Variants in CFAP97D2 observed in about 807,000 individuals in gnomAD.
The protein encoded by CFAP97D2 is uncharacterized protein CFAP97D2.
rs146582281 is a variant in CFAP97D2, at chr13:114,209,400, A to G, written c.291-2512A>G. ...AGTGAACAGGTCTGCCTGGAATAAT[A>G]ACAAAGGTGTCAGTTAAAACGATGT... On this transcript the variant is annotated intron_variant, in intron 3 of 4. Transcript: ENST00000646158. Among the ~76,000 whole-genome samples the G allele has an allele frequency of 1.2e-3, 183 of 152,370 alleles. 2 individuals are homozygous for G. The highest frequency in any genetic ancestry group is 4.3e-3 in the African/African-American group (179 of 41,592).
downstream of CFAP97D2, chr13:114,222,770 G>A: frequency 2.6e-6 from 1 of 378,776 alleles, no homozygotes; most frequent in Non-Finnish European, 4.7e-6. The surrounding 1 kb of genome is among the most constrained non-coding windows in gnomAD (Gnocchi z 4.4). Context: ...GAGCAGCTGT[G>A]AAGTGCCCAG....
At position 114,184,959 on chromosome 13, in the gene CFAP97D2, T is replaced by G. The variant is rs116353287; in HGVS notation, c.90+5539T>G. 8.1e-3 allele frequency among the ~76,000 whole-genome samples: 1,237 copies of G among 152,334 alleles called. 16 individuals are homozygous for G. Among genetic ancestry groups the G allele is most frequent in the African/African-American group, 0.028 (1,165 of 41,572 alleles). On this transcript the variant is annotated intron_variant, in intron 1 of 4. Transcript: ENST00000646158. ...GATACACATACACCTGCTTTTATATTAATATAAGTGAAACGAATAAGCAGC... is the reference window on the plus strand; with the variant it reads ...GATACACATACACCTGCTTTTATATGAATATAAGTGAAACGAATAAGCAGC...
chr13:114,202,062 A>ATGGG (rs2080920103), intron 3 of CFAP97D2, among the ~76,000 whole-genome samples: 1 of 152,200 alleles, frequency 6.6e-6, no homozygotes. Context: ...AAGGTTCCCT[A>ATGGG]TGGGTGCCTT....
At chr13:114,196,243 G>A (rs1351786380) in intron 1 of CFAP97D2, among the ~76,000 whole-genome samples, 153 bp from the exon 2 acceptor site, 2 of 152,040 alleles carry the variant, frequency 1.3e-5, no homozygotes, top group Non-Finnish European at 2.9e-5. Flanking sequence ...GGGGATACTC[G>A]GATTCCAAAT....
Position 114,217,249 on chromosome 13 carries a change from A to T in CFAP97D2, c.480+5148A>T, listed in dbSNP as rs1003896076. On this transcript the variant is annotated intron_variant, in intron 4 of 4. Coordinates refer to ENST00000646158, the Ensembl canonical transcript of CFAP97D2. ...ACTACCATCAGAGAATACTATAAACACCTCTACGCAAATAAACTAGAAAAT... is the reference window on the plus strand; with the variant it reads ...ACTACCATCAGAGAATACTATAAACTCCTCTACGCAAATAAACTAGAAAAT... Among the ~76,000 whole-genome samples the T allele has an allele frequency of 1.3e-3, 200 of 152,332 alleles. 1 individual carries two copies. Among genetic ancestry groups the T allele is most frequent in the African/African-American group, 4.7e-3 (194 of 41,580 alleles).
At chr13:114,209,852 C>T (rs60405675) in intron 3 of CFAP97D2, among the ~76,000 whole-genome samples, 8 of 152,260 alleles carry the variant, frequency 5.3e-5, no homozygotes, top group African/African-American at 9.6e-5. Context: ...GGCCAATGCT[C>T]GGCACATAGT....
At chr13:114,182,006 A>G (rs1464970605) in intron 1 of CFAP97D2, among the ~76,000 whole-genome samples, 3 of 152,180 alleles carry the variant, frequency 2.0e-5, no homozygotes, top group Non-Finnish European at 4.4e-5. Context: ...CAAAGTATAG[A>G]GAAATAACAG....
chr13:114,183,995 T>G (rs963057615), intron 1 of CFAP97D2, among the ~76,000 whole-genome samples: 1 of 152,006 alleles, frequency 6.6e-6, no homozygotes, highest in African/African-American at 2.4e-5. Flanking sequence ...ACAGTAAAAT[T>G]TAAACGTTAG....
intron 3 of CFAP97D2, among the ~76,000 whole-genome samples, chr13:114,206,883 G>A (rs2080942735): frequency 6.6e-6 from 1 of 152,204 alleles, no homozygotes; most frequent in African/African-American, 2.4e-5. Context: ...AAATGGCAAG[G>A]GACCAGGGTC....
At chr13:114,213,704 A>G (rs1219535165) in intron 4 of CFAP97D2, among the ~76,000 whole-genome samples, 1 of 139,774 alleles carries the variant, frequency 7.2e-6, no homozygotes, top group East Asian at 2.2e-4. Flanking sequence ...CACAAGCTCC[A>G]GGACCATGAA....
chr13:114,211,904 T>C lies in CFAP97D2; in HGVS notation c.291-8T>C, dbSNP rs2080968008. ...CAAATTTCAAAATGTGTGTGCTCTT[T>C]CGTGGAGTCTGCACAGGGGGAAGAG... is the stretch of plus-strand genomic sequence containing the variant. On this transcript the variant is annotated splice_polypyrimidine_tract_variant and splice_region_variant and intron_variant, in intron 3 of 4. Transcript: ENST00000646158. The surrounding 1 kb of genome is among the most constrained non-coding windows in gnomAD (Gnocchi z 4.2). The C allele has an allele frequency of 2.5e-6, 1 of 398,734 alleles. No homozygotes were observed. Among genetic ancestry groups the C allele is most frequent in the Non-Finnish European group, 4.4e-6 (1 of 226,132 alleles). 24.7% of individuals were successfully genotyped at this position (398,734 alleles called of 1,614,324 possible).
rs1566611553 is a variant in CFAP97D2, at chr13:114,187,688, CA to C, written c.90+8270del. ...ACCCCCTGTCAGAAATGTGCAGATC[CA>C]ACAAGCAGAAAATCAGTAAGGACAT... On this transcript the variant is annotated intron_variant, in intron 1 of 4. Transcript: ENST00000646158. This position sits in a 1 kb window ranked among gnomAD's most constrained non-coding sequence, Gnocchi z 4.2. Among the ~76,000 whole-genome samples, 1 of 152,074 alleles carries C rather than the reference CA, an allele frequency of 6.6e-6. No homozygotes were observed. Among genetic ancestry groups the C allele is most frequent in the Non-Finnish European group, 1.5e-5 (1 of 68,008 alleles).
intron 3 of CFAP97D2, among the ~76,000 whole-genome samples, chr13:114,208,421 T>C (rs1257702815): frequency 6.6e-6 from 1 of 152,250 alleles, no homozygotes; most frequent in African/African-American, 2.4e-5. Flanking sequence ...CAGCCAATTA[T>C]ATTGAAGCAC....
intron 4 of CFAP97D2, among the ~76,000 whole-genome samples, chr13:114,219,008 A>C (rs981886881): frequency 6.6e-6 from 1 of 152,260 alleles, no homozygotes; most frequent in African/African-American, 2.4e-5. Context: ...AATGGCAACA[A>C]AAGCCAAAAT....
rs1217066159 is a variant in CFAP97D2 at position 114,200,309 on chromosome 13, C to T, written c.172-16C>T. ...CAATCTGCCGGCGCTCCTCCAGCCT[C>T]CTTCTCTGTCCCCAGCTGGAGGAGG... On this transcript the variant is annotated splice_polypyrimidine_tract_variant and intron_variant, in intron 2 of 4. Coordinates refer to ENST00000646158, the Ensembl canonical transcript of CFAP97D2. 7.5e-6 allele frequency: 3 copies of T among 398,508 alleles called. No individual in the cohort carries two copies. Among genetic ancestry groups the T allele is most frequent in the Admixed American group, 4.4e-5 (1 of 22,716 alleles). 24.7% of individuals were successfully genotyped at this position (398,508 alleles called of 1,614,324 possible).
intron 2 of CFAP97D2, among the ~76,000 whole-genome samples, chr13:114,198,491 T>G (rs2080897365): frequency 6.6e-6 from 1 of 152,254 alleles, no homozygotes; most frequent in Non-Finnish European, 1.5e-5. Flanking sequence ...AAAAAAGATT[T>G]CCTCATTAGC....
At chr13:114,197,988 C>CT (rs1024371848) in intron 2 of CFAP97D2, among the ~76,000 whole-genome samples, 6 of 151,934 alleles carry the variant, frequency 3.9e-5, no homozygotes, top group African/African-American at 7.3e-5. Context: ...TTTTTCTTTT[C>CT]TTTTTTTATT....
At chr13:114,214,849 C>T (rs2080986632) in intron 4 of CFAP97D2, among the ~76,000 whole-genome samples, 1 of 152,166 alleles carries the variant, frequency 6.6e-6, no homozygotes, top group South Asian at 2.1e-4. Flanking sequence ...TAGTTTCATT[C>T]CATACATGAA....
In CFAP97D2 at chr13:114,210,853, G is replaced by GACACACAC. The variant is rs1417622434; in HGVS notation, c.291-1058_291-1057insCACACACA. ...TTAAATGAGAGAAGCACATTTCATT[G>GACACACAC]ATACACACACACACACACACACACA... On this transcript the variant is annotated intron_variant, in intron 3 of 4. Transcript: ENST00000646158. 2.4e-3 allele frequency among the ~76,000 whole-genome samples: 240 copies of GACACACAC among 99,092 alleles called. 2 individuals carry two copies. Among genetic ancestry groups the GACACACAC allele is most frequent in the African/African-American group, 0.011 (218 of 20,204 alleles). The allele number at this position is 99,092 out of a possible 152,430, so 65.0% of individuals were successfully genotyped here.
Sources: gnomAD v4.1 joint callset for allele counts (sites outside exome capture counted in the v4.1 genomes callset) on GRCh38, gnomAD v4.1.1 for gene constraint, Gnocchi (gnomAD v3.1) non-coding constraint, MANE v1.5 for transcripts, NCBI Gene and HGNC (gene_info 2026-07-23, HGNC 2026-07-21) for gene names.